Variants in CTNNA3 observed in about 807,000 individuals in gnomAD.
The protein encoded by CTNNA3 is catenin alpha-3.
A neutral mutation model predicts 95.7 loss-of-function variants in CTNNA3; 76 were observed. The observed-to-expected ratio is 0.79, with a 90% CI of 0.66 to 0.96. The LOEUF (loss-of-function observed/expected upper bound fraction) is 0.96, where lower values mean the gene tolerates loss of function less well. CTNNA3 is among the 40% of genes least tolerant of loss of function. The probability of loss-of-function intolerance (pLI) is 0.00; values close to 1 mark genes in which losing one functional copy is unlikely to be tolerated. For synonymous variants in CTNNA3, 431 were observed against 374.4 expected (o/e 1.15, Z -1.74); for missense variants, 1,191 against 1,089.8 (o/e 1.09, Z -1.31).
intron 13 of CTNNA3, among the ~76,000 whole-genome samples, chr10:66,189,549 T>G (rs1269672110): frequency 6.7e-6 from 1 of 149,802 alleles, no homozygotes; most frequent in Non-Finnish European, 1.5e-5. Context: ...GTTCTGTTGC[T>G]CTATGTTCCT....
chr10:65,936,479 C>G (rs1485932492), intron 17 of CTNNA3, among the ~76,000 whole-genome samples: 1 of 152,058 alleles, frequency 6.6e-6, no homozygotes, highest in African/African-American at 2.4e-5. Context: ...TAAAATTATA[C>G]ATTATTTGTT....
At chr10:67,540,970 A>C (rs1240423217) in intron 3 of CTNNA3, among the ~76,000 whole-genome samples, 4 of 151,886 alleles carry the variant, frequency 2.6e-5, no homozygotes, top group Admixed American at 2.6e-4. Flanking sequence ...AATAATATAA[A>C]ATAATAAACC....
chr10:66,208,631 T>G (rs900554711), intron 13 of CTNNA3, among the ~76,000 whole-genome samples: 1 of 152,092 alleles, frequency 6.6e-6, no homozygotes, highest in African/African-American at 2.4e-5. Flanking sequence ...GAGATTTATA[T>G]AAAAGTTTAT....
intron 12 of CTNNA3, among the ~76,000 whole-genome samples, chr10:66,364,427 G>C (rs750569641): frequency 2.6e-5 from 4 of 151,814 alleles, no homozygotes; most frequent in Non-Finnish European, 5.9e-5. Flanking sequence ...AAAACACCTA[G>C]TTCTCCAGGA....
intron 5 of CTNNA3, among the ~76,000 whole-genome samples, chr10:67,424,053 T>C (rs533510998): frequency 1.3e-5 from 2 of 152,282 alleles, no homozygotes; most frequent in South Asian, 4.1e-4. Flanking sequence ...TACCAGGACC[T>C]ACAAAATGTG....
chr10:66,584,936 C>A (rs1019396166), intron 10 of CTNNA3, among the ~76,000 whole-genome samples: 1 of 152,126 alleles, frequency 6.6e-6, no homozygotes. Context: ...TCTCCTTTAT[C>A]TATGAAAGAG....
At chr10:66,329,788 A>T (rs917360899) in intron 12 of CTNNA3, among the ~76,000 whole-genome samples, 4 of 152,116 alleles carry the variant, frequency 2.6e-5, no homozygotes, top group African/African-American at 9.7e-5. Context: ...AATTAATTTC[A>T]AAGAAACTTT....
At chr10:67,685,677 C>G (rs1447780879) in intron 1 of CTNNA3, among the ~76,000 whole-genome samples, 1 of 152,192 alleles carries the variant, frequency 6.6e-6, no homozygotes, top group East Asian at 1.9e-4. Context: ...CAGAGAAGAC[C>G]TTCAATTATC....
At chr10:66,164,423 G>A (rs1456164199) in intron 13 of CTNNA3, among the ~76,000 whole-genome samples, 1 of 152,040 alleles carries the variant, frequency 6.6e-6, no homozygotes, top group Non-Finnish European at 1.5e-5. Context: ...TTGCCAAAGT[G>A]TCCTGTTCTC....
chr10:67,540,921 GTCACTTAACA>G (rs1158068110), intron 3 of CTNNA3, among the ~76,000 whole-genome samples: 1 of 151,618 alleles, frequency 6.6e-6, no homozygotes, highest in African/African-American at 2.4e-5. Context: ...TCTCAATCAA[GTCACTTAACA>G]TCATTACTCT....
chr10:66,341,215 C>G (rs918310235), intron 12 of CTNNA3, among the ~76,000 whole-genome samples: 11 of 151,820 alleles, frequency 7.2e-5, no homozygotes, highest in Admixed American at 5.9e-4. Context: ...ATGTTAGCAA[C>G]CATCAAATTT....
chr10:66,037,889 A>G (rs978107208), intron 15 of CTNNA3, among the ~76,000 whole-genome samples: 1 of 152,064 alleles, frequency 6.6e-6, no homozygotes. Flanking sequence ...TGTAATTGCT[A>G]TTTTTATTGT....
At chr10:67,169,474 A>G (rs1861921388) in intron 7 of CTNNA3, among the ~76,000 whole-genome samples, 3 of 152,174 alleles carry the variant, frequency 2.0e-5, no homozygotes, top group Admixed American at 6.5e-5. Flanking sequence ...AAATAAGGCC[A>G]CACATCTGCG....
chr10:66,447,234 A>G (rs535804181), intron 11 of CTNNA3, among the ~76,000 whole-genome samples: 1 of 152,318 alleles, frequency 6.6e-6, no homozygotes, highest in East Asian at 1.9e-4. Flanking sequence ...CAATATCGTG[A>G]AAATGGCCAT....
chr10:66,824,046 C>CTTTTTTTTTTTTTT (rs57827121), intron 7 of CTNNA3, among the ~76,000 whole-genome samples: 1 of 147,408 alleles, frequency 6.8e-6, no homozygotes. Flanking sequence ...ATGCCATACT[C>CTTTTTTTTTTTTTT]TTTTTTTTTT....
At chr10:66,245,613 T>A (rs2090285326) in intron 13 of CTNNA3, among the ~76,000 whole-genome samples, 1 of 152,156 alleles carries the variant, frequency 6.6e-6, no homozygotes, top group Admixed American at 6.5e-5. Flanking sequence ...CAGGGTATCC[T>A]GATGAGTGTT....
chr10:67,687,358 G>A (rs1342422131), intron 1 of CTNNA3, among the ~76,000 whole-genome samples: 1 of 152,160 alleles, frequency 6.6e-6, no homozygotes, highest in Non-Finnish European at 1.5e-5. Flanking sequence ...CCGCATAGTG[G>A]ACATGGGTGA....
chr10:66,773,501 A>G (rs1840177334), intron 8 of CTNNA3, among the ~76,000 whole-genome samples: 2 of 152,202 alleles, frequency 1.3e-5, no homozygotes, highest in Admixed American at 1.3e-4. Context: ...GAGAGGGAAC[A>G]GGAAGAAGCA....
rs1184184820 is a variant in CTNNA3 at position 66,333,362 on chromosome 10, C to A, written c.1732+45790G>T. ...ATCTTTCCTGCTTTCTCTTGTGGGC[C>A]TTTAGTGTTATAAATTTCCCTCTAC... On this transcript the variant is annotated intron_variant, in intron 12 of 17. Coordinates refer to ENST00000433211, the MANE Select transcript of CTNNA3 (RefSeq NM_013266.4). Among the ~76,000 whole-genome samples the A allele has an allele frequency of 3.3e-5, 5 of 151,548 alleles. 1 individual carries two copies. Among genetic ancestry groups the A allele is most frequent in the East Asian group, 3.9e-4 (2 of 5,160 alleles).
Sources: gnomAD v4.1 joint callset for allele counts (sites outside exome capture counted in the v4.1 genomes callset) on GRCh38, gnomAD v4.1.1 for gene constraint, MANE v1.5 for transcripts, NCBI Gene and HGNC (gene_info 2026-07-23, HGNC 2026-07-21) for gene names.